Variants in ABL1 observed in about 807,000 individuals in gnomAD.
The protein encoded by ABL1 is tyrosine-protein kinase ABL1.
In ABL1, 11 loss-of-function variants were observed where a neutral mutation model predicts 94.7. The observed-to-expected ratio is 0.12, with a 90% CI of 0.07 to 0.19. ABL1 has a LOEUF of 0.19. Among genes scored for constraint, ABL1 ranks in the 10% least tolerant of loss-of-function variants. ABL1 has a pLI of 1.00. For missense variants in ABL1, 1,082 were observed against 1,489.4 expected, an observed-to-expected ratio of 0.73 and a Z score of 4.50; for synonymous variants, 656 against 622.4, an observed-to-expected ratio of 1.05 and a Z score of -0.80.
chr9:130,794,732 A>G (rs1272105562), intron 1 of ABL1, among the ~76,000 whole-genome samples: 1 of 152,154 alleles, frequency 6.6e-6, no homozygotes, highest in Non-Finnish European at 1.5e-5. Context: ...TTACCCCGAG[A>G]AAGTCTTTGA....
intron 1 of ABL1, among the ~76,000 whole-genome samples, chr9:130,730,666 G>A (rs1236392854): frequency 6.6e-6 from 1 of 151,648 alleles, no homozygotes; most frequent in African/African-American, 2.4e-5. Context: ...TGACCTCCTG[G>A]GCTCAAGCGG....
chr9:130,739,615 A>G lies in ABL1; in HGVS notation c.136+25160A>G, dbSNP rs543951748. On this transcript the variant is annotated intron_variant, in intron 1 of 10. Coordinates refer to the ABL1 transcript ENST00000372348. Reference sequence around the variant, plus strand: ...TATCCTAATTAAAAGTAGGTGCCCTAAGACCATTTTTCAGGGTGCATTTGG... The same window carrying G: ...TATCCTAATTAAAAGTAGGTGCCCTGAGACCATTTTTCAGGGTGCATTTGG... Among the ~76,000 whole-genome samples the G allele has an allele frequency of 6.6e-5, 10 of 152,308 alleles. No homozygotes were observed. In the South Asian group the frequency reaches 1.4e-3, roughly 22 times the overall value.
intron 1 of ABL1, among the ~76,000 whole-genome samples, chr9:130,781,067 CG>C (rs1313675843): frequency 2.0e-5 from 3 of 152,108 alleles, no homozygotes; most frequent in Admixed American, 1.3e-4. Context: ...ATTCTGAAGA[CG>C]CAGTGAGTCA....
In ABL1 at chr9:130,884,657, G is replaced by T; in HGVS notation, c.2367G>T (p.Lys789Asn). The T allele has an allele frequency of 6.2e-7, 1 of 1,613,230 alleles. No individual in the cohort carries two copies. Among genetic ancestry groups the T allele is most frequent in the East Asian group, 2.2e-5 (1 of 44,880 alleles). Residue 789 changes from lysine to asparagine, a missense_variant, in exon 11 of 11, where the codon AAG (lysine) becomes AAT (asparagine). Around this residue, in one of 7 missense-constraint regions of ABL1, gnomAD observed 780 missense variants for 835.8 expected, o/e 0.93. Transcript: ENST00000318560. The surrounding 1 kb of genome is among the most constrained non-coding windows in gnomAD (Gnocchi z 5.6). Reference sequence around the variant, plus strand: ...CGCCTCCCCCCAGGCTGGTGAAAAAGAATGAGGAAGCTGCTGATGAGGTCT... The same window carrying T: ...CGCCTCCCCCCAGGCTGGTGAAAAATAATGAGGAAGCTGCTGATGAGGTCT... The part of the protein sequence containing the change: ...TVTPPPRLVK[K>N]NEEAADEVFK...
At chr9:130,714,521 C>A (rs762088499) in intron 1 of ABL1, 3 of 1,599,772 alleles carry the variant, frequency 1.9e-6, no homozygotes, top group Non-Finnish European at 1.7e-6. Flanking sequence ...CTTCAAGGAA[C>A]TTTGAACAAC....
chr9:130,876,162 G>A (rs572599595), intron 7 of ABL1, among the ~76,000 whole-genome samples: 7 of 150,908 alleles, frequency 4.6e-5, no homozygotes, highest in Non-Finnish European at 7.4e-5. Context: ...TTTTGTGGGG[G>A]TTTTTTTTTG....
At position 130,885,224 on chromosome 9, in the gene ABL1, A is replaced by G; in HGVS notation, c.2934A>G (p.Pro978=). ...SAKPSGTPIS[P]APVPSTLPSA... ...AGCCGTCGGGGACCCCCATCAGCCC[A>G]GCCCCCGTTCCCTCCACGTTGCCAT... The change falls in exon 11 of 11, where the codon CCA becomes CCG. Residue 978 remains proline, a synonymous_variant. Coordinates refer to ENST00000318560, the MANE Select transcript of ABL1 (RefSeq NM_005157.6). The G allele has an allele frequency of 1.2e-6, 2 of 1,613,752 alleles. No individual in the cohort carries two copies. Among genetic ancestry groups the G allele is most frequent in the Non-Finnish European group, 1.7e-6 (2 of 1,180,004 alleles).
Position 130,872,276 on chromosome 9 carries a change from C to G in ABL1, c.907+63C>G. On this transcript the variant is annotated intron_variant, in intron 5 of 10. Coordinates refer to ENST00000318560, the MANE Select transcript of ABL1 (RefSeq NM_005157.6). This position sits in a 1 kb window ranked among gnomAD's most constrained non-coding sequence, Gnocchi z 5.0. ...CCGCACCCCCAGGGTGACACAGGCGCTGGGGAAGACGCACGGGCGGCTCAC... is the reference window on the plus strand; with the variant it reads ...CCGCACCCCCAGGGTGACACAGGCGGTGGGGAAGACGCACGGGCGGCTCAC... The G allele has an allele frequency of 6.7e-7, 1 of 1,484,348 alleles. No individual in the cohort carries two copies. The highest frequency in any genetic ancestry group is 2.3e-5 in the East Asian group (1 of 43,494). The allele number at this position is 1,484,348 out of a possible 1,614,324, so 91.9% of individuals were successfully genotyped here. A position where few individuals can be genotyped will look rare whatever the true frequency, so the allele number is the denominator to read the frequency against.
At chr9:130,845,856 A>G (rs866407673) in intron 1 of ABL1, among the ~76,000 whole-genome samples, 62 of 145,968 alleles carry the variant, frequency 4.2e-4, no homozygotes, top group African/African-American at 1.5e-3. Flanking sequence ...GCAAAACTCT[A>G]TCTAAAAAAA....
chr9:130,885,908 G>A lies in ABL1; in HGVS notation c.*225G>A, dbSNP rs1398811839. On this transcript the variant is annotated 3_prime_UTR_variant, in exon 11 of 11. Transcript: ENST00000318560. ...TCCTCCCCGCTCCGTCTCTGTCCTC[G>A]AATTTTATCTGTGGAGTTCCTGCTC... 14 of 587,528 alleles carry A rather than the reference G, an allele frequency of 2.4e-5. No homozygotes were observed. The highest frequency in any genetic ancestry group is 9.1e-5 in the East Asian group (3 of 32,854). 36.4% of individuals were successfully genotyped at this position (587,528 alleles called of 1,614,324 possible).
chr9:130,754,571 G>T (rs1832018700), intron 1 of ABL1, among the ~76,000 whole-genome samples: 1 of 150,980 alleles, frequency 6.6e-6, no homozygotes, highest in African/African-American at 2.4e-5. Flanking sequence ...ACCCTACACT[G>T]CTTTGGAAGG....
chr9:130,833,136 A>C (rs1348533800), upstream of ABL1, among the ~76,000 whole-genome samples: 1 of 152,240 alleles, frequency 6.6e-6, no homozygotes, highest in African/African-American at 2.4e-5. Context: ...GAACAGCACA[A>C]GGCAAGCAAA....
intron 1 of ABL1, among the ~76,000 whole-genome samples, chr9:130,809,415 AGAGTGTGTGTGTGTGT>A (rs1449928016): frequency 1.0e-5 from 1 of 97,434 alleles, no homozygotes; most frequent in Non-Finnish European, 2.2e-5. Context: ...AGAGAGAGAG[AGAGTGTGTGTGTGTGT>A]GTGTGTGTGT....
chr9:130,876,092 C>T (rs1027736782), intron 7 of ABL1, among the ~76,000 whole-genome samples: 2 of 152,238 alleles, frequency 1.3e-5, no homozygotes, highest in African/African-American at 2.4e-5. Flanking sequence ...TCCCAAAGTG[C>T]TGGGATTACA....
intron 4 of ABL1, among the ~76,000 whole-genome samples, chr9:130,871,670 T>C (rs990627067): frequency 6.6e-6 from 1 of 152,244 alleles, no homozygotes; most frequent in African/African-American, 2.4e-5. Context: ...GTCATGAGGG[T>C]CTCTTCCCTT....
chr9:130,831,494 C>T (rs532811495), upstream of ABL1, among the ~76,000 whole-genome samples: 3 of 152,342 alleles, frequency 2.0e-5, no homozygotes, highest in East Asian at 3.9e-4. Flanking sequence ...CTATGCCTAT[C>T]TTAAATTCAG....
At chr9:130,806,461 A>G (rs1311551409) in intron 1 of ABL1, among the ~76,000 whole-genome samples, 2 of 152,206 alleles carry the variant, frequency 1.3e-5, no homozygotes, top group Non-Finnish European at 2.9e-5. Flanking sequence ...GCTTGTTAGT[A>G]AGCCAGGCCA....
At chr9:130,803,045 T>C (rs1341781555) in intron 1 of ABL1, among the ~76,000 whole-genome samples, 1 of 152,104 alleles carries the variant, frequency 6.6e-6, no homozygotes, top group Non-Finnish European at 1.5e-5. Flanking sequence ...TATTTATTTG[T>C]TTATTTATTT....
At chr9:130,804,494 G>A (rs559793435) in intron 1 of ABL1, among the ~76,000 whole-genome samples, 21 of 152,360 alleles carry the variant, frequency 1.4e-4, no homozygotes, top group African/African-American at 5.1e-4. Flanking sequence ...TGAGGCAGGA[G>A]AATCGCTTGA....
Sources: gnomAD v4.1 joint callset for allele counts (sites outside exome capture counted in the v4.1 genomes callset) on GRCh38, gnomAD v4.1.1 for gene constraint, gnomAD v4.1.1 regional missense constraint, Gnocchi (gnomAD v3.1) non-coding constraint, MANE v1.5 for transcripts, NCBI Gene and HGNC (gene_info 2026-07-23, HGNC 2026-07-21) for gene names.